Variants in IL18R1 observed in about 807,000 individuals in gnomAD.
IL18R1 encodes the protein interleukin-18 receptor 1.
IL18R1 carries 40 observed loss-of-function variants against 48.5 expected under a neutral mutation model. That is an observed-to-expected ratio of 0.82 (90% CI 0.64 to 1.07). IL18R1 has a LOEUF of 1.07. Among genes scored for constraint, IL18R1 ranks in the 50% least tolerant of loss-of-function variants. The pLI is 0.00. For synonymous variants in IL18R1, 232 were observed against 225.9 expected (o/e 1.03, Z -0.24); for missense variants, 596 against 633.7 (o/e 0.94, Z 0.64).
At chr2:102,390,969 C>T (rs1573230216) in intron 9 of IL18R1, among the ~76,000 whole-genome samples, 1 of 144,172 alleles carries the variant, frequency 6.9e-6, no homozygotes, top group Non-Finnish European at 1.5e-5. Context: ...AAAAGAACCC[C>T]GAGCTGGAAG....
chr2:102,387,826 T>C (rs928843427), intron 8 of IL18R1, among the ~76,000 whole-genome samples: 4 of 145,866 alleles, frequency 2.7e-5, no homozygotes, highest in East Asian at 2.0e-4. Flanking sequence ...ATACATGAGA[T>C]GGAGGGACAG....
chr2:102,384,899 G>T lies in IL18R1; in HGVS notation c.710G>T (p.Cys237Phe), dbSNP rs1408495843. The T allele has an allele frequency of 6.2e-7, 1 of 1,610,392 alleles. No homozygotes were observed. Among genetic ancestry groups the T allele is most frequent in the Non-Finnish European group, 8.5e-7 (1 of 1,177,398 alleles). Residue 237 changes from cysteine (C) to phenylalanine (F), a missense_variant, in exon 7 of 11, where the codon TGC (cysteine) becomes TTC (phenylalanine). Cys to Phe is a radical substitution (Grantham distance 205, BLOSUM62 -2). This residue lies in a region of IL18R1 where 360 missense variants were observed against 339.4 expected (regional missense o/e 1.06). Coordinates refer to ENST00000233957, the MANE Select transcript of IL18R1 (RefSeq NM_003855.5). ...CCAGGAAAAAACGTAAGGCTCAACT[G>T]CTCTGCTTTGCTGAATGAAGAGGAT... ...VELGKNVRLN[C>F]SALLNEEDVI...
intron 4 of IL18R1, among the ~76,000 whole-genome samples, chr2:102,374,753 A>G (rs6745614): frequency 0.53 from 80,612 of 150,750 alleles, 23,349 homozygotes; most frequent in African/African-American, 0.73. Context: ...ACTCCAGCCT[A>G]GGGGAGAGAG....
At chr2:102,394,670 T>C (rs1335783123) in intron 10 of IL18R1, 43 bp downstream of exon 10, 1 of 1,530,782 alleles carries the variant, frequency 6.5e-7, no homozygotes, top group East Asian at 2.3e-5. Flanking sequence ...AGATAGTTTC[T>C]TTTTAAAAAA....
intron 8 of IL18R1, among the ~76,000 whole-genome samples, chr2:102,387,380 G>A (rs1442902547): frequency 6.6e-6 from 1 of 152,174 alleles, no homozygotes; most frequent in Non-Finnish European, 1.5e-5. Flanking sequence ...GTGCAAACTT[G>A]GTGTGACTGC....
chr2:102,375,524 G>A (rs1679523568), intron 4 of IL18R1, among the ~76,000 whole-genome samples: 2 of 152,178 alleles, frequency 1.3e-5, no homozygotes, highest in South Asian at 4.1e-4. Flanking sequence ...GACTGAACAT[G>A]TATGAAATAG....
intron 1 of IL18R1, among the ~76,000 whole-genome samples, chr2:102,361,592 T>C: frequency 6.6e-6 from 1 of 152,176 alleles, no homozygotes; most frequent in East Asian, 1.9e-4. Flanking sequence ...CAGGCCTTCT[T>C]ATCATCTCCA....
chr2:102,388,806 T>C (rs766208967), intron 8 of IL18R1, among the ~76,000 whole-genome samples: 1 of 152,174 alleles, frequency 6.6e-6, no homozygotes, highest in Non-Finnish European at 1.5e-5. Context: ...AGTTCACTAT[T>C]AAACAACATT....
chr2:102,381,628 A>G lies in IL18R1; in HGVS notation c.634A>G (p.Asn212Asp), dbSNP rs767408215. 3 of 1,612,624 alleles carry G rather than the reference A, an allele frequency of 1.9e-6. No individual in the cohort carries two copies. The highest frequency in any genetic ancestry group is 2.5e-6 in the Non-Finnish European group (3 of 1,178,664). The change falls in exon 6 of 11, where the codon AAT (asparagine) becomes GAT (aspartate). Residue 212 changes from asparagine (N) to aspartate (D), a missense_variant. By Grantham distance (23) the Asn-to-Asp change is conservative (BLOSUM62 1). This residue lies in a region of IL18R1 where 360 missense variants were observed against 339.4 expected (regional missense o/e 1.06). Transcript: ENST00000233957. ...FNITIVEDRS[N>D]IVPVLLGPKL... ...TCTTTTGTCACTTCTAGATCGCAGT[A>G]ATATAGTTCCGGTTCTTCTTGGACC... is the stretch of plus-strand genomic sequence containing the variant.
At chr2:102,389,006 A>T (rs1245028636) in intron 8 of IL18R1, among the ~76,000 whole-genome samples, 4 of 152,196 alleles carry the variant, frequency 2.6e-5, no homozygotes, top group African/African-American at 9.7e-5. Context: ...ATATGTATAT[A>T]CATATATGCA....
In IL18R1 at chr2:102,355,922, T is replaced by G. The variant is rs888014534; in HGVS notation, c.-507T>G. 6.6e-6 allele frequency: 1 copy of G among 152,118 alleles called. No individual in the cohort carries two copies. Among genetic ancestry groups the G allele is most frequent in the Non-Finnish European group, 1.5e-5 (1 of 68,058 alleles). The allele number at this position is 152,118 out of a possible 1,614,324, so 9.4% of individuals were successfully genotyped here. A position where few individuals can be genotyped will look rare whatever the true frequency, so the allele number is the denominator to read the frequency against. ...GGACCCCGCGATCCAGTAGCTCCGG[T>G]AACTCCACGCGGGGCGTCTGGGTGG... On this transcript the variant is annotated 5_prime_UTR_variant, in exon 1 of 11. Coordinates refer to ENST00000233957, the MANE Select transcript of IL18R1 (RefSeq NM_003855.5).
chr2:102,368,855 T>A (rs1016747671), intron 3 of IL18R1, among the ~76,000 whole-genome samples: 3 of 150,726 alleles, frequency 2.0e-5, no homozygotes, highest in African/African-American at 7.3e-5. Context: ...AGATTTCATA[T>A]GTAGCAGATT....
rs139204013 is a variant in IL18R1, at chr2:102,362,727, T to C, written c.58+9T>C. On this transcript the variant is annotated intron_variant, in intron 2 of 10. Transcript: ENST00000233957. ...ATCTGTAAGCACTGCAGGTAAGTGA[T>C]TATACATACTCTCAAACATATTTCA... The C allele has an allele frequency of 1.5e-5, 22 of 1,514,456 alleles. No homozygotes were observed. The African/African-American group carries it at 3.1e-4, about 21-fold the overall frequency. 93.8% of individuals were successfully genotyped at this position (1,514,456 alleles called of 1,614,324 possible). A position where few individuals can be genotyped will look rare whatever the true frequency, so the allele number is the denominator to read the frequency against.
chr2:102,366,342 CA>C (rs781053664), intron 2 of IL18R1, among the ~76,000 whole-genome samples: 44 of 152,228 alleles, frequency 2.9e-4, no homozygotes, highest in Non-Finnish European at 8.8e-5. Context: ...TCCAGCTCCC[CA>C]AAAGTTCCTC....
rs181536482 is a variant in IL18R1 at position 102,398,537 on chromosome 2, G to A, written c.*1651G>A. 6 of 152,292 alleles carry A rather than the reference G, an allele frequency of 3.9e-5. 1 individual carries two copies. The East Asian group carries it at 1.2e-3, about 29-fold the overall frequency. 9.4% of individuals were successfully genotyped at this position (152,292 alleles called of 1,614,324 possible). On this transcript the variant is annotated 3_prime_UTR_variant, in exon 11 of 11. Coordinates refer to ENST00000233957, the MANE Select transcript of IL18R1 (RefSeq NM_003855.5). Reference sequence around the variant, plus strand: ...AAAGAGTAAAATAATTTAATTAATAGCTCATATTTTATGTGTGAAAACATG... The same window carrying A: ...AAAGAGTAAAATAATTTAATTAATAACTCATATTTTATGTGTGAAAACATG...
At chr2:102,375,793 A>T in intron 4 of IL18R1, 114 bp from the exon 5 acceptor site, 1 of 654,530 alleles carries the variant, frequency 1.5e-6, no homozygotes, top group Non-Finnish European at 2.4e-6. Flanking sequence ...AGGAATTGCT[A>T]CTTTCCATTC....
chr2:102,382,082 G>T (rs933497322), intron 6 of IL18R1, among the ~76,000 whole-genome samples: 1 of 152,040 alleles, frequency 6.6e-6, no homozygotes, highest in Non-Finnish European at 1.5e-5. Context: ...AGACCAACCT[G>T]ACCAGCACGG....
intron 10 of IL18R1, among the ~76,000 whole-genome samples, chr2:102,396,113 G>A (rs1441409514): frequency 1.3e-5 from 2 of 151,998 alleles, no homozygotes; most frequent in Non-Finnish European, 2.9e-5. Context: ...AAGCAGGATA[G>A]TATAATAGTT....
At chr2:102,392,563 A>T (rs1310540621) in intron 9 of IL18R1, among the ~76,000 whole-genome samples, 3 of 152,220 alleles carry the variant, frequency 2.0e-5, no homozygotes, top group South Asian at 2.1e-4. Flanking sequence ...CACGAAAAGG[A>T]CAGAAATGGA....
Sources: gnomAD v4.1 joint callset for allele counts (sites outside exome capture counted in the v4.1 genomes callset) on GRCh38, gnomAD v4.1.1 for gene constraint, gnomAD v4.1.1 regional missense constraint, MANE v1.5 for transcripts, NCBI Gene and HGNC (gene_info 2026-07-23, HGNC 2026-07-21) for gene names.